Variants in SEMA6D observed in about 807,000 individuals in gnomAD.
SEMA6D encodes the protein semaphorin 6D.
In SEMA6D, 35 loss-of-function variants were observed where a neutral mutation model predicts 106.6. The observed-to-expected ratio is 0.33, with a 90% CI of 0.25 to 0.44. SEMA6D has a LOEUF of 0.44. SEMA6D is among the 20% of genes least tolerant of loss of function. The probability of loss-of-function intolerance (pLI) is 1.00; values close to 1 mark genes in which losing one functional copy is unlikely to be tolerated. For missense variants in SEMA6D, 1,185 were observed against 1,345.9 expected (o/e 0.88, Z 1.87); for synonymous variants, 499 against 487.7 (o/e 1.02, Z -0.31).
rs551339028 is a variant in SEMA6D, at chr15:47,386,947, C to T, written c.-238-25446C>T. 3.9e-5 allele frequency among the ~76,000 whole-genome samples: 6 copies of T among 152,328 alleles called. No individual in the cohort carries two copies. In the South Asian group the frequency reaches 6.2e-4, roughly 16 times the overall value. The stretch of plus-strand genomic sequence containing the variant: ...ATGGCAATGAAGGATGCAGTGGCAA[C>T]GACGCTGCCCCTGCAAACACTGTCA... On this transcript the variant is annotated intron_variant, in intron 1 of 19. Coordinates refer to the SEMA6D transcript ENST00000558014.
At chr15:47,563,816 A>G (rs2046149281) in intron 3 of SEMA6D, among the ~76,000 whole-genome samples, 1 of 152,238 alleles carries the variant, frequency 6.6e-6, no homozygotes. Flanking sequence ...TACATAGGTT[A>G]TGTATCATCA....
chr15:47,261,660 A>G (rs2034081778), intron 1 of SEMA6D, among the ~76,000 whole-genome samples: 1 of 152,056 alleles, frequency 6.6e-6, no homozygotes, highest in Admixed American at 6.6e-5. Context: ...TTTAGCTATC[A>G]CCTATTGACC....
chr15:47,186,677 C>G (rs78036284), intron 1 of SEMA6D, among the ~76,000 whole-genome samples: 6,171 of 152,192 alleles, frequency 0.041, 152 homozygotes, highest in South Asian at 0.096. Context: ...TACAGGACCA[C>G]ATGAACAATG....
chr15:47,406,830 G>A (rs574215193), intron 1 of SEMA6D, among the ~76,000 whole-genome samples: 25 of 150,840 alleles, frequency 1.7e-4, no homozygotes, highest in African/African-American at 6.1e-4. Context: ...TAATGGATAT[G>A]TTAATTAGCT....
chr15:47,287,857 C>T (rs777633521), intron 1 of SEMA6D, among the ~76,000 whole-genome samples: 7 of 152,156 alleles, frequency 4.6e-5, no homozygotes, highest in Non-Finnish European at 8.8e-5. Context: ...TTAATTGGCT[C>T]ATGGCTCTGC....
At chr15:47,605,481 C>A (rs1351419581) in intron 4 of SEMA6D, 5 of 152,198 alleles carry the variant, frequency 3.3e-5, no homozygotes, top group Non-Finnish European at 5.9e-5. Flanking sequence ...GATACCAATT[C>A]CCAGAGTTAG....
chr15:47,692,466 T>C (rs192888293), intron 4 of SEMA6D, among the ~76,000 whole-genome samples: 1 of 152,304 alleles, frequency 6.6e-6, no homozygotes, highest in Admixed American at 6.5e-5. Context: ...ATTGCACAAT[T>C]TGCTCTGCTT....
At chr15:47,583,162 C>G (rs1596363458) in intron 3 of SEMA6D, among the ~76,000 whole-genome samples, 1 of 152,200 alleles carries the variant, frequency 6.6e-6, no homozygotes, top group East Asian at 1.9e-4. Context: ...CCTAAGTCCA[C>G]TTCAGCAGAG....
At chr15:47,322,500 T>C (rs1200074953) in intron 1 of SEMA6D, among the ~76,000 whole-genome samples, 2 of 152,168 alleles carry the variant, frequency 1.3e-5, no homozygotes, top group African/African-American at 4.8e-5. Flanking sequence ...ATTGATGTTA[T>C]ACACTTTTGG....
At chr15:47,637,314 A>G (rs1332073473) in intron 4 of SEMA6D, among the ~76,000 whole-genome samples, 2 of 152,132 alleles carry the variant, frequency 1.3e-5, no homozygotes, top group African/African-American at 2.4e-5. Context: ...TGGGTTTTGA[A>G]TTGTATTACT....
At chr15:47,702,767 A>G (rs1351013398) in intron 4 of SEMA6D, among the ~76,000 whole-genome samples, 3 of 152,218 alleles carry the variant, frequency 2.0e-5, no homozygotes, top group Non-Finnish European at 4.4e-5. Context: ...CAATATAAAC[A>G]GGCTATGTAC....
intron 4 of SEMA6D, among the ~76,000 whole-genome samples, chr15:47,679,262 GCTGTTTGA>G (rs2078302662): frequency 6.6e-6 from 1 of 152,212 alleles, no homozygotes; most frequent in Non-Finnish European, 1.5e-5. Flanking sequence ...GCCGCTTAGA[GCTGTTTGA>G]CTGTGAGGGA....
At position 47,428,645 on chromosome 15, in the gene SEMA6D, C is replaced by T. The variant is rs76208065; in HGVS notation, c.-159+16173C>T. Among the ~76,000 whole-genome samples, 519 of 151,992 alleles carry T rather than the reference C, an allele frequency of 3.4e-3. 15 individuals are homozygous for T. The East Asian group carries it at 0.063, about 18-fold the overall frequency. ...AAAAGATACCTGGCCATGATGGTGC[C>T]GGCCTGGAATCTCAGCTACTCAGGT... On this transcript the variant is annotated intron_variant, in intron 2 of 19. Coordinates refer to the SEMA6D transcript ENST00000558014.
intron 2 of SEMA6D, among the ~76,000 whole-genome samples, chr15:47,445,207 G>T (rs2041995132): frequency 6.6e-6 from 1 of 152,032 alleles, no homozygotes; most frequent in Non-Finnish European, 1.5e-5. Flanking sequence ...CAGAAGAGGG[G>T]GGTGTGGTGG....
intron 1 of SEMA6D, among the ~76,000 whole-genome samples, chr15:47,203,465 G>A (rs1296084707): frequency 6.6e-6 from 1 of 152,176 alleles, no homozygotes; most frequent in Non-Finnish European, 1.5e-5. Flanking sequence ...CTGAGAGATT[G>A]TCTAGGAGAC....
intron 1 of SEMA6D, among the ~76,000 whole-genome samples, chr15:47,391,659 A>ATTT (rs36039887): frequency 0.14 from 20,777 of 145,978 alleles, 1,557 homozygotes; most frequent in East Asian, 0.29. Flanking sequence ...ACAACTATTG[A>ATTT]TTTTTTTTTT....
chr15:47,306,841 A>C (rs990009533), intron 1 of SEMA6D, among the ~76,000 whole-genome samples: 2 of 152,250 alleles, frequency 1.3e-5, no homozygotes, highest in South Asian at 2.1e-4. Context: ...TTCTTAGTAT[A>C]ATTTTTAGAA....
intron 3 of SEMA6D, among the ~76,000 whole-genome samples, chr15:47,583,904 C>A (rs938242747): frequency 3.3e-5 from 5 of 152,154 alleles, no homozygotes. Context: ...GCATCCTGAT[C>A]TACTTTAGAC....
intron 3 of SEMA6D, among the ~76,000 whole-genome samples, chr15:47,483,047 T>A (rs1254646879): frequency 6.6e-6 from 1 of 152,126 alleles, no homozygotes; most frequent in Non-Finnish European, 1.5e-5. Context: ...ATATAACAAA[T>A]AATCAATAGT....
Sources: gnomAD v4.1 joint callset for allele counts (sites outside exome capture counted in the v4.1 genomes callset) on GRCh38, gnomAD v4.1.1 for gene constraint, MANE v1.5 for transcripts, NCBI Gene and HGNC (gene_info 2026-07-23, HGNC 2026-07-21) for gene names.